Variants in TMEM236 observed in about 807,000 individuals in gnomAD.
TMEM236 encodes the protein family with sequence similarity 23, member A.
Under a neutral mutation model 14.7 loss-of-function variants are expected in TMEM236, and 11 were observed. The ratio of observed to expected loss-of-function variants is 0.75; its 90% CI spans 0.47 to 1.24. The LOEUF (loss-of-function observed/expected upper bound fraction) is 1.24, where lower values mean the gene tolerates loss of function less well. Ranked by LOEUF, TMEM236 falls within the 50% of genes most tolerant of loss-of-function variation. The pLI is 0.00. For synonymous variants in TMEM236, 182 were observed against 168.6 expected, an observed-to-expected ratio of 1.08 and a Z score of -0.62; for missense variants, 464 against 427.3, an observed-to-expected ratio of 1.09 and a Z score of -0.76.
intron 2 of TMEM236, among the ~76,000 whole-genome samples, chr10:17,773,364 TTCTC>T (rs1837605796): frequency 6.6e-6 from 1 of 152,122 alleles, no homozygotes; most frequent in Admixed American, 6.5e-5. Flanking sequence ...GACAGAGTCT[TTCTC>T]TGTTGCCCAG....
chr10:17,781,950 G>A (rs1837758633), intron 3 of TMEM236, among the ~76,000 whole-genome samples: 1 of 152,064 alleles, frequency 6.6e-6, no homozygotes, highest in Non-Finnish European at 1.5e-5. Flanking sequence ...GCTTCATTCA[G>A]CATTGTAACC....
Position 17,752,520 on chromosome 10 carries a change from G to GA in TMEM236, c.228dup (p.Arg77ThrfsTer8), listed in dbSNP as rs1400091470. 6.2e-7 allele frequency: 1 copy of GA among 1,613,808 alleles called. No homozygotes were observed. Among genetic ancestry groups the GA allele is most frequent in the Non-Finnish European group, 8.5e-7 (1 of 1,179,856 alleles). ...TTCCTGTAAAAGTTATCCTGCACAA[G>GA]AAACGTTATATTTACAGAAAAATTA... On this transcript the variant is annotated frameshift_variant, in exon 1 of 4. Transcript: ENST00000377495. LOFTEE classifies it high-confidence loss of function.
At chr10:17,761,529 C>T (rs1288723289) in intron 1 of TMEM236, among the ~76,000 whole-genome samples, 1 of 151,938 alleles carries the variant, frequency 6.6e-6, no homozygotes, top group Non-Finnish European at 1.5e-5. Flanking sequence ...CCCATCTCTA[C>T]TAAAAAATAC....
chr10:17,795,783 A>AAAATT (rs1376396366), intron 3 of TMEM236, 138 bp from the exon 4 acceptor site: 1 of 989,372 alleles, frequency 1.0e-6, no homozygotes, highest in African/African-American at 1.6e-5. Flanking sequence ...AACTTAAAAT[A>AAAATT]AAATTAAATT....
chr10:17,764,072 AT>A (rs1382113568), intron 1 of TMEM236, among the ~76,000 whole-genome samples: 3 of 152,174 alleles, frequency 2.0e-5, no homozygotes, highest in Non-Finnish European at 4.4e-5. Flanking sequence ...TTAATACTAG[AT>A]TTTGGAGAGC....
intron 1 of TMEM236, among the ~76,000 whole-genome samples, chr10:17,759,696 C>T (rs1467365956): frequency 6.6e-5 from 10 of 152,036 alleles, no homozygotes; most frequent in East Asian, 1.9e-4. Flanking sequence ...TGATAGTCTC[C>T]CCTTTAGAAA....
intron 3 of TMEM236, among the ~76,000 whole-genome samples, chr10:17,782,561 C>T (rs1364905545): frequency 1.3e-5 from 2 of 152,088 alleles, no homozygotes; most frequent in Admixed American, 6.6e-5. Context: ...AAGCGATTCT[C>T]GTGCCTCAGC....
At chr10:17,763,178 A>G (rs1837404652) in intron 1 of TMEM236, among the ~76,000 whole-genome samples, 1 of 152,210 alleles carries the variant, frequency 6.6e-6, no homozygotes, top group Non-Finnish European at 1.5e-5. Flanking sequence ...GAAGAGCATC[A>G]TCAAAACTTA....
chr10:17,769,642 A>C (rs1455916701), intron 1 of TMEM236, among the ~76,000 whole-genome samples: 3 of 152,152 alleles, frequency 2.0e-5, no homozygotes, highest in Non-Finnish European at 4.4e-5. Context: ...CTTGGCTCAG[A>C]CAAACAGACA....
At chr10:17,770,227 A>G (rs373608707) in intron 1 of TMEM236, among the ~76,000 whole-genome samples, 103,905 of 152,022 alleles carry the variant, frequency 0.68, 37,052 homozygotes, top group Non-Finnish European at 0.8. Flanking sequence ...CTGCTTGTAC[A>G]TAGAAAACAT....
intron 1 of TMEM236, among the ~76,000 whole-genome samples, chr10:17,754,155 G>A (rs1184556794): frequency 6.6e-6 from 1 of 152,158 alleles, no homozygotes. Context: ...ATCGGAGTGA[G>A]CTTACACAAC....
At chr10:17,783,045 G>A (rs1373117840) in intron 3 of TMEM236, among the ~76,000 whole-genome samples, 4 of 152,036 alleles carry the variant, frequency 2.6e-5, no homozygotes, top group Admixed American at 6.6e-5. Context: ...TGTTTAAAGC[G>A]CCCTGTGCTC....
intron 1 of TMEM236, among the ~76,000 whole-genome samples, chr10:17,754,924 TTTTA>T (rs372416227): frequency 0.02 from 2,909 of 146,754 alleles, 54 homozygotes; most frequent in African/African-American, 0.05. Context: ...CATACTGATG[TTTTA>T]TTTATTTATT....
chr10:17,791,541 G>GC (rs1362416262), intron 3 of TMEM236, among the ~76,000 whole-genome samples: 2 of 152,106 alleles, frequency 1.3e-5, no homozygotes, highest in Non-Finnish European at 2.9e-5. Flanking sequence ...TTGGAAAAGT[G>GC]CCTGATACGT....
chr10:17,757,598 C>CAAAAAAAAA lies in TMEM236; in HGVS notation c.257+5054_257+5062dup, dbSNP rs143988279. On this transcript the variant is annotated intron_variant, in intron 1 of 3. Coordinates refer to ENST00000377495, the MANE Select transcript of TMEM236 (RefSeq NM_001098844.3). ...TGGGTCACACAGCAAAACCCTGTCT[C>CAAAAAAAAA]AAAAAAAAAAAAAAAAGCTATGTAA... 7.9e-3 allele frequency among the ~76,000 whole-genome samples: 781 copies of CAAAAAAAAA among 98,472 alleles called. 9 individuals are homozygous for CAAAAAAAAA. The highest frequency in any genetic ancestry group is 0.027 in the African/African-American group (714 of 26,580). 64.6% of individuals were successfully genotyped at this position (98,472 alleles called of 152,430 possible). A position where few individuals can be genotyped will look rare whatever the true frequency, so the allele number is the denominator to read the frequency against.
intron 1 of TMEM236, among the ~76,000 whole-genome samples, chr10:17,770,753 T>C (rs1232982690): frequency 4.6e-5 from 7 of 152,266 alleles, no homozygotes; most frequent in African/African-American, 1.7e-4. Flanking sequence ...ATTTGATTGG[T>C]TGATCATGCA....
rs944548502 is a variant in TMEM236 at position 17,790,018 on chromosome 10, C to T, written c.473-5903C>T. Among the ~76,000 whole-genome samples the T allele has an allele frequency of 3.2e-3, 488 of 151,778 alleles. 1 individual carries two copies. The highest frequency in any genetic ancestry group is 0.011 in the African/African-American group (453 of 41,382). On this transcript the variant is annotated intron_variant, in intron 3 of 3. Coordinates refer to ENST00000377495, the MANE Select transcript of TMEM236 (RefSeq NM_001098844.3). ...CAGCCTGGGCGACAGAGCGGGACTC[C>T]GTCTCAAAAAAAGAAAAGAATAAAA...
In TMEM236 at chr10:17,752,373, G is replaced by A. The variant is rs1025688707; in HGVS notation, c.78G>A (p.Val26=). 1.3e-4 allele frequency: 204 copies of A among 1,613,670 alleles called. No individual in the cohort carries two copies. Among genetic ancestry groups the A allele is most frequent in the Non-Finnish European group, 1.6e-4 (184 of 1,179,850 alleles). ...EFAAFSIPTL[V]ITEQFATAYQ... is the part of the protein sequence containing the mutation. ...CCGCTTTCTCCATCCCCACACTCGTGATCACAGAACAGTTTGCCACCGCCT... is the reference window on the plus strand; with the variant it reads ...CCGCTTTCTCCATCCCCACACTCGTAATCACAGAACAGTTTGCCACCGCCT... The change falls in exon 1 of 4, where the codon GTG becomes GTA. Residue 26 remains valine (V), a synonymous_variant. Coordinates refer to ENST00000377495, the MANE Select transcript of TMEM236 (RefSeq NM_001098844.3).
At chr10:17,765,230 A>T (rs980027716) in intron 1 of TMEM236, among the ~76,000 whole-genome samples, 16 of 152,278 alleles carry the variant, frequency 1.1e-4, no homozygotes, top group African/African-American at 3.4e-4. Context: ...ATAAGGTCAC[A>T]TTCGGAGGTA....
Sources: allele counts gnomAD v4.1 joint callset (sites outside exome capture counted in the v4.1 genomes callset), GRCh38; gene constraint gnomAD v4.1.1; transcripts MANE v1.5; gene names NCBI Gene and HGNC (gene_info 2026-07-23, HGNC 2026-07-21).